NAALADL2: variants seen among roughly 807,000 people sequenced by gnomAD.
NAALADL2 encodes the protein inactive N-acetylated-alpha-linked acidic dipeptidase-like protein 2.
In NAALADL2, 76 loss-of-function variants were observed where a neutral mutation model predicts 87.2. The observed-to-expected ratio is 0.87, with a 90% CI of 0.72 to 1.05. The LOEUF is 1.05. Among genes scored for constraint, NAALADL2 ranks in the 50% least tolerant of loss-of-function variants. The pLI is 0.00. For synonymous variants in NAALADL2, 354 were observed against 331.0 expected (o/e 1.07, Z -0.75); for missense variants, 1,089 against 945.8 (o/e 1.15, Z -1.99).
At chr3:174,603,931 G>A (rs1718715347) in intron 2 of NAALADL2, among the ~76,000 whole-genome samples, 1 of 152,082 alleles carries the variant, frequency 6.6e-6, no homozygotes, top group Non-Finnish European at 1.5e-5. Context: ...GAAGATGCAT[G>A]ATATTATTTC....
At chr3:175,600,785 C>T (rs1722880039) in intron 10 of NAALADL2, among the ~76,000 whole-genome samples, 1 of 152,064 alleles carries the variant, frequency 6.6e-6, no homozygotes, top group African/African-American at 2.4e-5. Context: ...GATCCGCCCG[C>T]CTCGGCCTCC....
At chr3:175,059,951 C>CTTCG (rs1211102049) in intron 1 of NAALADL2, 3 of 429,736 alleles carry the variant, frequency 7.0e-6, no homozygotes, top group African/African-American at 2.1e-5. Flanking sequence ...GGCACATAAC[C>CTTCG]TTCGATGTAG....
intron 1 of NAALADL2, among the ~76,000 whole-genome samples, chr3:174,521,491 G>A (rs1720281665): frequency 1.4e-5 from 2 of 142,484 alleles, no homozygotes; most frequent in South Asian, 2.3e-4. Context: ...GCTTGGGCTT[G>A]AGCCTGGGAG....
At chr3:175,084,490 T>C (rs1718481525) in intron 1 of NAALADL2, among the ~76,000 whole-genome samples, 3 of 152,216 alleles carry the variant, frequency 2.0e-5, no homozygotes, top group Admixed American at 1.3e-4. Flanking sequence ...TACTCAGGGC[T>C]ATAAGAATTC....
chr3:175,540,644 G>A (rs1385267815), intron 9 of NAALADL2, among the ~76,000 whole-genome samples: 1 of 152,106 alleles, frequency 6.6e-6, no homozygotes, highest in Non-Finnish European at 1.5e-5. Context: ...TAGTAATGAT[G>A]GTTGGTTGGA....
chr3:175,118,294 A>G (rs1725601612), intron 2 of NAALADL2, among the ~76,000 whole-genome samples: 1 of 151,884 alleles, frequency 6.6e-6, no homozygotes, highest in African/African-American at 2.4e-5. Flanking sequence ...TGAATAGCTC[A>G]AAATGTTCCT....
chr3:174,801,257 T>C (rs1718797058), intron 3 of NAALADL2, among the ~76,000 whole-genome samples: 1 of 152,136 alleles, frequency 6.6e-6, no homozygotes, highest in Non-Finnish European at 1.5e-5. Context: ...TGGGAGGTAA[T>C]TGAATCATGG....
chr3:175,346,228 A>T (rs1194288697), intron 5 of NAALADL2, among the ~76,000 whole-genome samples: 2 of 152,066 alleles, frequency 1.3e-5, no homozygotes, highest in Non-Finnish European at 2.9e-5. Flanking sequence ...AAATTCTGCC[A>T]CACAGAGATA....
rs1465967286 is a variant in NAALADL2, at chr3:174,806,097, A to G, written c.-9+68351A>G. Among the ~76,000 whole-genome samples, 4 of 152,314 alleles carry G rather than the reference A, an allele frequency of 2.6e-5. No individual in the cohort carries two copies. In the East Asian group the frequency reaches 7.7e-4, roughly 29 times the overall value. On this transcript the variant is annotated intron_variant, in intron 3 of 3. Transcript: ENST00000434257. Reference sequence around the variant, plus strand: ...CTTTCTTCTTGGATGATGAATTAGTAATTAGGCCCTTTCTATATTATCACT... The same window carrying G: ...CTTTCTTCTTGGATGATGAATTAGTGATTAGGCCCTTTCTATATTATCACT...
chr3:174,610,586 C>T (rs1391914237), intron 2 of NAALADL2, among the ~76,000 whole-genome samples: 1 of 152,134 alleles, frequency 6.6e-6, no homozygotes, highest in African/African-American at 2.4e-5. Context: ...CACTGGCCAT[C>T]AGAGAAATGC....
intron 3 of NAALADL2, among the ~76,000 whole-genome samples, chr3:175,237,968 C>A (rs1746195131): frequency 6.6e-6 from 1 of 152,042 alleles, no homozygotes; most frequent in Non-Finnish European, 1.5e-5. Context: ...GAGAACCAAC[C>A]AGTGGTTTTA....
chr3:175,577,454 A>G (rs542359896), intron 10 of NAALADL2, among the ~76,000 whole-genome samples: 1 of 152,316 alleles, frequency 6.6e-6, no homozygotes, highest in South Asian at 2.1e-4. Context: ...AAACACATTT[A>G]TCAGGCTGAG....
intron 1 of NAALADL2, among the ~76,000 whole-genome samples, chr3:175,024,851 T>G (rs1424729333): frequency 1.3e-5 from 2 of 152,066 alleles, no homozygotes; most frequent in African/African-American, 4.8e-5. Context: ...GTGATGGTGT[T>G]GCTGAATTTC....
At chr3:175,574,015 T>G (rs1349028820) in intron 9 of NAALADL2, among the ~76,000 whole-genome samples, 1 of 152,224 alleles carries the variant, frequency 6.6e-6, no homozygotes, top group Non-Finnish European at 1.5e-5. Flanking sequence ...CCATTTTAAT[T>G]GATGTTTAAC....
At chr3:174,985,258 G>A (rs536348028) in intron 1 of NAALADL2, among the ~76,000 whole-genome samples, 2 of 152,280 alleles carry the variant, frequency 1.3e-5, no homozygotes, top group Admixed American at 6.5e-5. Flanking sequence ...CTTAGATTCC[G>A]AAGTGTAGAG....
At position 175,317,142 on chromosome 3, in the gene NAALADL2, G is replaced by A. The variant is rs536945158; in HGVS notation, c.940-7033G>A. Among the ~76,000 whole-genome samples the A allele has an allele frequency of 2.0e-5, 3 of 152,118 alleles. No individual in the cohort carries two copies. In the South Asian group the frequency reaches 6.2e-4, roughly 32 times the overall value. ...GGCCATCAGCTATAGAAAAATTCAC[G>A]TTCTGTATTGATTATAAAAGGGGTC... On this transcript the variant is annotated intron_variant, in intron 4 of 13. Coordinates refer to ENST00000454872, the MANE Select transcript of NAALADL2 (RefSeq NM_207015.3).
At chr3:175,170,979 T>C (rs772816768) in intron 2 of NAALADL2, among the ~76,000 whole-genome samples, 29 of 151,950 alleles carry the variant, frequency 1.9e-4, no homozygotes, top group Non-Finnish European at 3.7e-4. Context: ...AATTTAGACT[T>C]TTTTCTCATT....
chr3:174,836,708 C>CAAA (rs36091749), intron 3 of NAALADL2, among the ~76,000 whole-genome samples: 2,881 of 65,132 alleles, frequency 0.044, 254 homozygotes, highest in Middle Eastern at 0.083. Context: ...GACTCCGTCT[C>CAAA]AAAAAAAAAA....
At chr3:175,635,867 A>G (rs1728455958) in intron 11 of NAALADL2, among the ~76,000 whole-genome samples, 1 of 152,176 alleles carries the variant, frequency 6.6e-6, no homozygotes, top group South Asian at 2.1e-4. Flanking sequence ...GACAGATCAA[A>G]TATCCCTCCA....
Sources: gnomAD v4.1 joint callset for allele counts (sites outside exome capture counted in the v4.1 genomes callset) on GRCh38, gnomAD v4.1.1 for gene constraint, MANE v1.5 for transcripts, NCBI Gene and HGNC (gene_info 2026-07-23, HGNC 2026-07-21) for gene names.